Variants in ATG10 observed in about 807,000 individuals in gnomAD.
The protein encoded by ATG10 is autophagy related 10, also known as ubiquitin-like-conjugating enzyme ATG10.
In ATG10, 30 loss-of-function variants were observed where a neutral mutation model predicts 32.1. The ratio of observed to expected loss-of-function variants is 0.94; its 90% CI spans 0.70 to 1.27. ATG10 has a LOEUF of 1.27. ATG10 is among the 50% of genes most tolerant of loss of function. The pLI is 0.00. For synonymous variants in ATG10, 87 were observed against 91.5 expected, an observed-to-expected ratio of 0.95 and a Z score of 0.28; for missense variants, 233 against 262.3, an observed-to-expected ratio of 0.89 and a Z score of 0.77.
At chr5:82,224,502 G>A (rs1746042948) in intron 5 of ATG10, among the ~76,000 whole-genome samples, 2 of 152,170 alleles carry the variant, frequency 1.3e-5, no homozygotes, top group Admixed American at 1.3e-4. Flanking sequence ...CAAGGGAGTG[G>A]CATAAAATTA....
chr5:81,997,573 A>G (rs1232398372), intron 2 of ATG10, among the ~76,000 whole-genome samples: 1 of 152,228 alleles, frequency 6.6e-6, no homozygotes, highest in Non-Finnish European at 1.5e-5. Flanking sequence ...CAGAATACGG[A>G]TAGGAATGAC....
At chr5:82,219,627 T>G (rs4703871) in intron 5 of ATG10, among the ~76,000 whole-genome samples, 1 of 152,144 alleles carries the variant, frequency 6.6e-6, no homozygotes, top group Non-Finnish European at 1.5e-5. Flanking sequence ...GCTGCACCAT[T>G]CTGGCAAGGA....
rs1017035515 is a variant in ATG10, at chr5:82,130,500, C to A, written c.217-33899C>A. The stretch of plus-strand genomic sequence containing the variant: ...TAGGCGCCCAAAGGAATCTCCTGGT[C>A]TGTGGGTTGCCAAGACCGTGGGAAG... On this transcript the variant is annotated intron_variant, in intron 3 of 7. Transcript: ENST00000282185. 3.3e-5 allele frequency among the ~76,000 whole-genome samples: 5 copies of A among 152,130 alleles called. 1 individual carries two copies. The highest frequency in any genetic ancestry group is 1.2e-4 in the African/African-American group (5 of 41,444).
At chr5:82,016,539 T>C (rs1307543702) in intron 2 of ATG10, among the ~76,000 whole-genome samples, 1 of 152,184 alleles carries the variant, frequency 6.6e-6, no homozygotes, top group African/African-American at 2.4e-5. Context: ...TTCTTTCTGT[T>C]TAGTCTTGCT....
intron 2 of ATG10, among the ~76,000 whole-genome samples, chr5:82,040,062 C>T (rs1182776656): frequency 6.6e-6 from 1 of 152,130 alleles, no homozygotes; most frequent in African/African-American, 2.4e-5. Flanking sequence ...TACATAGCTT[C>T]TCAGGGCTCC....
intron 4 of ATG10, among the ~76,000 whole-genome samples, chr5:82,177,866 C>T (rs898496115): frequency 2.0e-5 from 3 of 152,102 alleles, no homozygotes; most frequent in Non-Finnish European, 4.4e-5. Flanking sequence ...CTGCCATAGA[C>T]ACCAAGTGTT....
At chr5:81,991,159 G>A (rs1034170399) in intron 2 of ATG10, among the ~76,000 whole-genome samples, 2 of 152,138 alleles carry the variant, frequency 1.3e-5, no homozygotes, top group African/African-American at 4.8e-5. Context: ...CCTAATTTCT[G>A]CAATCCTGTG....
At chr5:82,175,873 TCACACACACACACGCACACACACA>T (rs200809836) in intron 4 of ATG10, among the ~76,000 whole-genome samples, 9,435 of 151,448 alleles carry the variant, frequency 0.062, 378 homozygotes, top group Non-Finnish European at 0.089. Flanking sequence ...TTGTTTATTT[TCACACACACACACGCACACACACA>T]CACACACACA....
chr5:82,117,485 C>T (rs901623302), intron 3 of ATG10, among the ~76,000 whole-genome samples: 2 of 152,028 alleles, frequency 1.3e-5, no homozygotes, highest in Non-Finnish European at 2.9e-5. Context: ...AACCTTTGAT[C>T]TTTGTCTTGT....
chr5:82,146,388 T>C (rs1294926956), intron 3 of ATG10, among the ~76,000 whole-genome samples: 1 of 152,128 alleles, frequency 6.6e-6, no homozygotes, highest in Non-Finnish European at 1.5e-5. Context: ...TTGATTATGA[T>C]GTGTATAGGT....
chr5:82,091,132 G>C (rs187517678), intron 3 of ATG10, among the ~76,000 whole-genome samples: 1 of 152,316 alleles, frequency 6.6e-6, no homozygotes, highest in African/African-American at 2.4e-5. Context: ...TGGTAGAACA[G>C]TATAAGAGAT....
At chr5:81,988,163 A>G (rs1263296564) in intron 2 of ATG10, among the ~76,000 whole-genome samples, 1 of 152,162 alleles carries the variant, frequency 6.6e-6, no homozygotes, top group East Asian at 1.9e-4. Flanking sequence ...TTTTGAGATC[A>G]TCTCACTCTG....
intron 2 of ATG10, among the ~76,000 whole-genome samples, chr5:82,013,693 C>T (rs1762196328): frequency 6.6e-6 from 1 of 152,000 alleles, no homozygotes; most frequent in African/African-American, 2.4e-5. Context: ...TTGATTATGG[C>T]CATTTTGCAG....
intron 3 of ATG10, among the ~76,000 whole-genome samples, chr5:82,139,516 C>T (rs1444053212): frequency 5.3e-4 from 74 of 139,688 alleles, no homozygotes; most frequent in African/African-American, 1.7e-3. Flanking sequence ...ATGTGAGGAG[C>T]GCCTCTGCCC....
intron 2 of ATG10, 36 bp from the exon 3 acceptor site, chr5:82,058,459 G>A (rs1428936747): frequency 7.1e-7 from 1 of 1,410,966 alleles, no homozygotes; most frequent in Admixed American, 1.7e-5. Context: ...AAAATAATTG[G>A]CATTTTCTTA....
chr5:82,045,384 A>C (rs1763203619), intron 2 of ATG10, among the ~76,000 whole-genome samples: 1 of 152,120 alleles, frequency 6.6e-6, no homozygotes, highest in Non-Finnish European at 1.5e-5. Flanking sequence ...TTTCAACCTT[A>C]AAATTAGGAA....
intron 2 of ATG10, chr5:82,010,229 GA>G: frequency 4.1e-6 from 3 of 737,118 alleles, no homozygotes; most frequent in Non-Finnish European, 6.8e-6. Flanking sequence ...AAATGGAGGG[GA>G]AAAATAACCA....
chr5:82,010,213 C>T, intron 2 of ATG10: 5 of 813,758 alleles, frequency 6.1e-6, no homozygotes, highest in South Asian at 1.7e-5. Context: ...TTATGAATAT[C>T]TGTAAAAATG....
chr5:81,989,786 T>G (rs960000054), intron 2 of ATG10, among the ~76,000 whole-genome samples: 1 of 151,984 alleles, frequency 6.6e-6, no homozygotes, highest in East Asian at 1.9e-4. Flanking sequence ...ATATTTTTAG[T>G]AGAGACAGGA....
Sources: gnomAD v4.1 joint callset for allele counts (sites outside exome capture counted in the v4.1 genomes callset) on GRCh38, gnomAD v4.1.1 for gene constraint, MANE v1.5 for transcripts, NCBI Gene and HGNC (gene_info 2026-07-23, HGNC 2026-07-21) for gene names.